The following ACVR1 variants were observed in gnomAD, a reference collection of about 807,000 sequenced individuals.
ACVR1 encodes the protein activin A receptor type 1.
Under a neutral mutation model 57.1 loss-of-function variants are expected in ACVR1, and 38 were observed. That is an observed-to-expected ratio of 0.67 (90% confidence interval 0.51 to 0.87). ACVR1 has a LOEUF of 0.87. ACVR1 is among the 40% of genes least tolerant of loss of function. The probability of loss-of-function intolerance (pLI) is 0.00; values close to 1 mark genes in which losing one functional copy is unlikely to be tolerated. For synonymous variants in ACVR1, 212 were observed against 228.1 expected (o/e 0.93, Z 0.63); for missense variants, 463 against 638.2 (o/e 0.73, Z 2.96).
At chr2:157,801,466 C>T (rs748891648) in intron 2 of ACVR1, among the ~76,000 whole-genome samples, 2 of 152,136 alleles carry the variant, frequency 1.3e-5, no homozygotes, top group Non-Finnish European at 1.5e-5. Context: ...GACTTAACAT[C>T]GCTTATTTCT....
chr2:157,829,460 G>A (rs1245134120), intron 1 of ACVR1, among the ~76,000 whole-genome samples: 1 of 152,182 alleles, frequency 6.6e-6, no homozygotes, highest in East Asian at 1.9e-4. Context: ...ATTGTTCATT[G>A]AGTAACGCTC....
intron 1 of ACVR1, among the ~76,000 whole-genome samples, chr2:157,871,207 A>G (rs1002752532): frequency 2.0e-5 from 3 of 152,250 alleles, no homozygotes; most frequent in African/African-American, 7.2e-5. Flanking sequence ...CAAAGAGATC[A>G]ATCACATCCC....
At chr2:157,740,993 G>A (rs950382851) in intron 9 of ACVR1, among the ~76,000 whole-genome samples, 9 of 152,114 alleles carry the variant, frequency 5.9e-5, no homozygotes, top group Admixed American at 2.0e-4. Flanking sequence ...CAGTCACTAC[G>A]AACTCCCTCT....
intron 3 of ACVR1, among the ~76,000 whole-genome samples, chr2:157,786,736 G>A (rs979256607): frequency 3.3e-5 from 5 of 152,152 alleles, no homozygotes; most frequent in African/African-American, 9.7e-5. Context: ...CTGGATGGTT[G>A]ATTTGAGGAC....
At chr2:157,757,673 G>A (rs564362427) in intron 9 of ACVR1, among the ~76,000 whole-genome samples, 1 of 151,598 alleles carries the variant, frequency 6.6e-6, no homozygotes, top group African/African-American at 2.4e-5. Context: ...TCCAAATGAA[G>A]GAAAAATAAG....
At chr2:157,741,684 C>T (rs1033060466) in intron 9 of ACVR1, among the ~76,000 whole-genome samples, 7 of 149,916 alleles carry the variant, frequency 4.7e-5, no homozygotes, top group Admixed American at 4.7e-4. Flanking sequence ...TAATGAGGAG[C>T]AGAATAATGA....
At chr2:157,754,426 T>C (rs1685337098) in intron 9 of ACVR1, among the ~76,000 whole-genome samples, 1 of 152,068 alleles carries the variant, frequency 6.6e-6, no homozygotes, top group Non-Finnish European at 1.5e-5. Flanking sequence ...ATGGGAAATA[T>C]TACAACCAAC....
chr2:157,783,240 T>C (rs1686593532), intron 3 of ACVR1, among the ~76,000 whole-genome samples: 1 of 152,226 alleles, frequency 6.6e-6, no homozygotes, highest in Non-Finnish European at 1.5e-5. Flanking sequence ...AAACTGTTTT[T>C]AAAGTTCCAT....
At chr2:157,759,997 T>G (rs1049247091) in intron 9 of ACVR1, among the ~76,000 whole-genome samples, 2 of 152,110 alleles carry the variant, frequency 1.3e-5, no homozygotes, top group Non-Finnish European at 2.9e-5. Context: ...TTATACTGAA[T>G]GGGGAAAAGC....
intron 1 of ACVR1, among the ~76,000 whole-genome samples, chr2:157,824,311 T>A (rs1342456476): frequency 6.6e-6 from 1 of 151,846 alleles, no homozygotes; most frequent in African/African-American, 2.4e-5. Context: ...CTACAAAAAA[T>A]TTAAAAATTA....
chr2:157,753,435 G>A (rs1219877773), intron 9 of ACVR1, among the ~76,000 whole-genome samples: 1 of 152,170 alleles, frequency 6.6e-6, no homozygotes, highest in African/African-American at 2.4e-5. Context: ...GGCTGAGGCA[G>A]GAGAATCGCT....
chr2:157,749,085 T>C (rs1685080212), intron 9 of ACVR1, among the ~76,000 whole-genome samples: 1 of 152,258 alleles, frequency 6.6e-6, no homozygotes, highest in Non-Finnish European at 1.5e-5. Context: ...ACATGCTCTG[T>C]GAAATAAGAT....
intron 1 of ACVR1, among the ~76,000 whole-genome samples, chr2:157,826,082 A>G (rs751824323): frequency 6.6e-6 from 1 of 152,196 alleles, no homozygotes; most frequent in Non-Finnish European, 1.5e-5. Context: ...AAGACTATAC[A>G]GGCTTTCATC....
chr2:157,813,644 C>A (rs1574097765), intron 2 of ACVR1, among the ~76,000 whole-genome samples: 1 of 152,192 alleles, frequency 6.6e-6, no homozygotes, highest in East Asian at 1.9e-4. Flanking sequence ...GCAACAATTA[C>A]TAGAACCACA....
At chr2:157,848,416 G>A (rs1457067840) in intron 1 of ACVR1, among the ~76,000 whole-genome samples, 2 of 152,188 alleles carry the variant, frequency 1.3e-5, no homozygotes, top group Non-Finnish European at 2.9e-5. Context: ...CCCCAGCTGA[G>A]CTCCCAGCCA....
At chr2:157,775,453 C>A (rs1362140069) in intron 5 of ACVR1, among the ~76,000 whole-genome samples, 1 of 152,204 alleles carries the variant, frequency 6.6e-6, no homozygotes, top group Admixed American at 6.5e-5. Context: ...CAAAGCTCAT[C>A]CTTTCCCAAA....
intron 1 of ACVR1, among the ~76,000 whole-genome samples, chr2:157,853,990 T>C (rs755909860): frequency 1.3e-5 from 2 of 152,206 alleles, no homozygotes; most frequent in African/African-American, 2.4e-5. Flanking sequence ...GTCACTGCTG[T>C]ACATTGTGCA....
At position 157,830,667 on chromosome 2, in the gene ACVR1, A is replaced by ACC. The variant is rs1321137267; in HGVS notation, c.-182-12109_-182-12108insGG. ...TGAAATACTTATATACCATGCTAACAATGTAATATTACTGGAAACTAAATT... is the reference window on the plus strand; with the variant it reads ...TGAAATACTTATATACCATGCTAACACCATGTAATATTACTGGAAACTAAATT... On this transcript the variant is annotated intron_variant, in intron 1 of 10. Transcript: ENST00000434821. 5.3e-5 allele frequency among the ~76,000 whole-genome samples: 8 copies of ACC among 152,216 alleles called. No individual in the cohort carries two copies. The East Asian group carries it at 1.5e-3, about 29-fold the overall frequency.
At chr2:157,799,328 G>C in intron 3 of ACVR1, 99 bp downstream of exon 3, 1 of 766,056 alleles carries the variant, frequency 1.3e-6, no homozygotes, top group Non-Finnish European at 2.3e-6. Context: ...TATAAAAAGA[G>C]TGTTTTAAGT....
Sources: allele counts gnomAD v4.1 joint callset (sites outside exome capture counted in the v4.1 genomes callset), GRCh38; gene constraint gnomAD v4.1.1; transcripts MANE v1.5; gene names NCBI Gene and HGNC (gene_info 2026-07-23, HGNC 2026-07-21).